Variants in RGL3 observed in about 807,000 individuals in gnomAD.
The protein encoded by RGL3 is ral guanine nucleotide dissociation stimulator-like 3.
Under a neutral mutation model 90.6 loss-of-function variants are expected in RGL3, and 85 were observed. The ratio of observed to expected loss-of-function variants is 0.94; its 90% CI spans 0.79 to 1.12. The LOEUF (loss-of-function observed/expected upper bound fraction) is 1.12. Among genes scored for constraint, RGL3 ranks in the 50% most tolerant of loss-of-function variants. The probability of loss-of-function intolerance (pLI) is 0.00; values close to 1 mark genes in which losing one functional copy is unlikely to be tolerated. For missense variants in RGL3, 1,034 were observed against 939.2 expected, an observed-to-expected ratio of 1.10 and a Z score of -1.32; for synonymous variants, 408 against 385.5, an observed-to-expected ratio of 1.06 and a Z score of -0.68.
Position 11,414,528 on chromosome 19 carries a change from T to TATATATATATATATAC in RGL3, c.637+1408_637+1409insGTATATATATATATAT, listed in dbSNP as rs1568342108. Among the ~76,000 whole-genome samples the TATATATATATATATAC allele has an allele frequency of 5.0e-4, 37 of 74,098 alleles. 2 individuals carry two copies. In the East Asian group the frequency reaches 7.7e-3, roughly 16 times the overall value. 48.6% of individuals were successfully genotyped at this position (74,098 alleles called of 152,430 possible). A position where few individuals can be genotyped will look rare whatever the true frequency, so the allele number is the denominator to read the frequency against. ...ATATATATATATATATATATATATA[T>TATATATATATATATAC]ACCTTTATATATATATAAATAACTG... On this transcript the variant is annotated intron_variant, in intron 5 of 18. Coordinates refer to ENST00000380456, the MANE Select transcript of RGL3 (RefSeq NM_001035223.4).
At chr19:11,415,739 T>A (rs1968980886) in intron 5 of RGL3, among the ~76,000 whole-genome samples, 198 bp downstream of exon 5, 1 of 151,550 alleles carries the variant, frequency 6.6e-6, no homozygotes, top group African/African-American at 2.4e-5. Flanking sequence ...CCTCCCAAAC[T>A]GCTGGGATAC....
rs200127777 is a variant in RGL3, at chr19:11,416,981, G to T, written c.226C>A (p.Arg76=). 4.3e-6 allele frequency: 7 copies of T among 1,613,988 alleles called. No individual in the cohort carries two copies. The Admixed American group carries it at 1.2e-4, about 27-fold the overall frequency. The change falls in exon 3 of 19, where the codon CGG becomes AGG. Residue 76 remains arginine (R), a synonymous_variant. Transcript: ENST00000380456. ...VRVLRAARLE[R]LVGELVFGDR... ...CCAAACACCAACTCTCCCACCAGCC[G>T]CTCCAGGCGCGCTGCCCTCAGCACC...
intron 18 of RGL3, among the ~76,000 whole-genome samples, chr19:11,396,136 C>CTATATATA (rs1568334082): frequency 1.4e-3 from 25 of 17,892 alleles, no homozygotes; most frequent in Non-Finnish European, 2.0e-3. Flanking sequence ...CTCTCTCTCT[C>CTATATATA]TATATATATA....
chr19:11,394,445 C>T lies in RGL3; in HGVS notation c.2090G>A (p.Arg697Gln), dbSNP rs754807290. The T allele has an allele frequency of 1.3e-5, 21 of 1,613,822 alleles. No individual in the cohort carries two copies. Among genetic ancestry groups the T allele is most frequent in the African/African-American group, 2.7e-5 (2 of 74,864 alleles). The change falls in exon 19 of 19, where the codon CGG (arginine) becomes CAG (glutamine). Residue 697 changes from arginine to glutamine, a missense_variant. Transcript: ENST00000380456. ...CAGAGTGTTCCGGGTCCCCTCTTTCCGCCGCAGCATGAAGTCTCTGGGGGC... is the reference window on the plus strand; with the variant it reads ...CAGAGTGTTCCGGGTCCCCTCTTTCTGCCGCAGCATGAAGTCTCTGGGGGC... ...PVAPRDFMLR[R>Q]KEGTRNTLSV...
chr19:11,404,751 A>T (rs933533476), intron 9 of RGL3, among the ~76,000 whole-genome samples: 2 of 152,122 alleles, frequency 1.3e-5, no homozygotes, highest in Admixed American at 1.3e-4. Flanking sequence ...CACTCTAAAA[A>T]CCAGCGCCTG....
chr19:11,410,809 A>G (rs1968861528), intron 5 of RGL3, among the ~76,000 whole-genome samples: 1 of 152,192 alleles, frequency 6.6e-6, no homozygotes, highest in Admixed American at 6.6e-5. Context: ...AGGTAAGTCG[A>G]AAAGAATGTG....
Position 11,400,240 on chromosome 19 carries a change from G to T in RGL3, c.1542C>A (p.Arg514=). 6.2e-7 allele frequency: 1 copy of T among 1,600,412 alleles called. No homozygotes were observed. Among genetic ancestry groups the T allele is most frequent in the Non-Finnish European group, 8.5e-7 (1 of 1,172,894 alleles). Reference sequence around the variant, plus strand: ...TGGTGAGGCTGATCCGCCGTCGGATGCGTGGGGAGCTGGGGCAGGAGGCAG... The same window carrying T: ...TGGTGAGGCTGATCCGCCGTCGGATTCGTGGGGAGCTGGGGCAGGAGGCAG... ...PPAASCPSSP[R]IRRRISLTKR... Residue 514 remains arginine (R), a synonymous_variant, in exon 14 of 19, where the codon CGC becomes CGA. Transcript: ENST00000380456.
At chr19:11,406,928 G>C in intron 5 of RGL3, 64 bp from the exon 6 acceptor site, 1 of 1,494,074 alleles carries the variant, frequency 6.7e-7, no homozygotes, top group Non-Finnish European at 9.2e-7. Context: ...GTGACCTTGG[G>C]TGAGTCCCTG....
At chr19:11,415,769 C>T (rs1022234444) in intron 5 of RGL3, among the ~76,000 whole-genome samples, 168 bp downstream of exon 5, 2 of 152,074 alleles carry the variant, frequency 1.3e-5, no homozygotes, top group African/African-American at 2.4e-5. Flanking sequence ...CCACCACGCC[C>T]GGCTGACAAA....
rs759679310 is a variant in RGL3, at chr19:11,397,251, C to T, written c.2007G>A (p.Gly669=). 2.5e-6 allele frequency: 4 copies of T among 1,613,682 alleles called. No homozygotes were observed. In the Admixed American group the frequency reaches 5.0e-5, roughly 20 times the overall value. ...CAACCCATCCCTGCTCACCCCGGTCCCCAGGAAGGACTTGAAAGAGCTGAT... is the reference window on the plus strand; with the variant it reads ...CAACCCATCCCTGCTCACCCCGGTCTCCAGGAAGGACTTGAAAGAGCTGAT... ...CDYQLFQVLP[G]DRVLLIPDNA... Residue 669 remains glycine (G), a synonymous_variant, in exon 18 of 19, where the codon GGG becomes GGA. Coordinates refer to ENST00000380456, the MANE Select transcript of RGL3 (RefSeq NM_001035223.4).
chr19:11,405,260 G>T (rs748420323), intron 8 of RGL3, 29 bp from the exon 9 acceptor site: 3 of 1,612,898 alleles, frequency 1.9e-6, no homozygotes, highest in Non-Finnish European at 2.5e-6. Flanking sequence ...GGTGGTCAGG[G>T]GTCAGTGGCT....
At chr19:11,414,946 G>A (rs1237531406) in intron 5 of RGL3, among the ~76,000 whole-genome samples, 2 of 151,806 alleles carry the variant, frequency 1.3e-5, no homozygotes, top group African/African-American at 4.8e-5. Context: ...AGACCAGCCT[G>A]GGCAACATGG....
chr19:11,411,037 C>G (rs1185397471), intron 5 of RGL3, among the ~76,000 whole-genome samples: 1 of 151,608 alleles, frequency 6.6e-6, no homozygotes, highest in African/African-American at 2.4e-5. Context: ...GGTGAAACCC[C>G]CTCACTACTA....
At chr19:11,400,179 C>G (rs1277732197) in intron 14 of RGL3, 23 bp downstream of exon 14, 1 of 1,572,196 alleles carries the variant, frequency 6.4e-7, no homozygotes, top group Admixed American at 1.8e-5. Context: ...CATCACCGCC[C>G]CTACACACAC....
rs578086951 is a variant in RGL3 at position 11,414,446 on chromosome 19, C to CATAT, written c.637+1487_637+1490dup. 1.3e-4 allele frequency among the ~76,000 whole-genome samples: 6 copies of CATAT among 46,772 alleles called. No homozygotes were observed. In the East Asian group the frequency reaches 1.7e-3, roughly 13 times the overall value. The allele number at this position is 46,772 out of a possible 152,430, so 30.7% of individuals were successfully genotyped here. On this transcript the variant is annotated intron_variant, in intron 5 of 18. Coordinates refer to ENST00000380456, the MANE Select transcript of RGL3 (RefSeq NM_001035223.4). ...ATATATATATACCTTCATATATATA[C>CATAT]ATATATATATATACCTTCATATATA... is the stretch of plus-strand genomic sequence containing the variant.
At chr19:11,407,937 C>G (rs142127916) in intron 5 of RGL3, among the ~76,000 whole-genome samples, 1 of 150,424 alleles carries the variant, frequency 6.6e-6, no homozygotes, top group Non-Finnish European at 1.5e-5. Flanking sequence ...CTGCCTGCCT[C>G]GACTTCCCAA....
At chr19:11,399,058 G>A (rs991367355) in intron 16 of RGL3, among the ~76,000 whole-genome samples, 63 of 152,134 alleles carry the variant, frequency 4.1e-4, no homozygotes, top group African/African-American at 1.5e-3. Context: ...AAACTCAAGC[G>A]ATCCTTCCAC....
At chr19:11,395,834 G>A (rs1178103877) in intron 18 of RGL3, among the ~76,000 whole-genome samples, 1 of 151,156 alleles carries the variant, frequency 6.6e-6, no homozygotes, top group Non-Finnish European at 1.5e-5. Context: ...TCACCATGTT[G>A]GCCAGGATGG....
In RGL3 at chr19:11,400,064, C is replaced by G. The variant is rs145451138; in HGVS notation, c.1625G>C (p.Gly542Ala). The change falls in exon 15 of 19, where the codon GGG (glycine) becomes GCG (alanine). Residue 542 changes from glycine (G) to alanine (A), a missense_variant. By Grantham distance (60) the Gly-to-Ala change is moderately conservative. Transcript: ENST00000380456. ...EKSSSPSGSP[G>A]DPSSPTSSVS... ...CCTGGAGGTGGGGGATGAGGGGTCC[C>G]CGGGACTCCCACTAGGTGATGAGCT... 256 of 1,608,940 alleles carry G rather than the reference C, an allele frequency of 1.6e-4. No individual in the cohort carries two copies. The highest frequency in any genetic ancestry group is 9.9e-4 in the Middle Eastern group (6 of 6,048).
Sources: allele counts gnomAD v4.1 joint callset (sites outside exome capture counted in the v4.1 genomes callset), GRCh38; gene constraint gnomAD v4.1.1; transcripts MANE v1.5; gene names NCBI Gene and HGNC (gene_info 2026-07-23, HGNC 2026-07-21).